TMEM39B: variants seen among roughly 807,000 people sequenced by gnomAD.
The protein encoded by TMEM39B is transmembrane protein 39B.
TMEM39B carries 23 observed loss-of-function variants against 52.2 expected under a neutral mutation model. That is an observed-to-expected ratio of 0.44 (90% CI 0.32 to 0.62). The LOEUF (loss-of-function observed/expected upper bound fraction) is 0.62, where lower values mean the gene tolerates loss of function less well. Among genes scored for constraint, TMEM39B ranks in the 20% least tolerant of loss-of-function variants. The pLI, the probability that TMEM39B is intolerant of heterozygous loss-of-function variation, is 0.06. For missense variants in TMEM39B, 547 were observed against 642.0 expected (o/e 0.85, Z 1.60); for synonymous variants, 285 against 264.0 (o/e 1.08, Z -0.77).
intron 7 of TMEM39B, among the ~76,000 whole-genome samples, chr1:32,098,459 G>A (rs569459088): frequency 3.0e-4 from 46 of 152,232 alleles, no homozygotes; most frequent in Non-Finnish European, 5.9e-4. Flanking sequence ...TGGGCCAGGT[G>A]CAGTGGCTCA....
intron 6 of TMEM39B, among the ~76,000 whole-genome samples, chr1:32,093,236 T>C (rs1640677252): frequency 1.3e-5 from 2 of 150,866 alleles, no homozygotes; most frequent in Non-Finnish European, 3.0e-5. Flanking sequence ...GTAGCTGGGA[T>C]TACAGGCGAG....
chr1:32,100,515 C>T lies in TMEM39B; in HGVS notation c.1189C>T (p.His397Tyr), dbSNP rs139990657. The change falls in exon 8 of 9, where the codon CAC becomes TAC. Residue 397 changes from histidine to tyrosine, a missense_variant. His to Tyr is a moderately conservative substitution (Grantham distance 83, BLOSUM62 2). Transcript: ENST00000336294. The stretch of plus-strand genomic sequence containing the variant: ...CAAGAACGTCTACAAAGCCGTAGGC[C>T]ACTACAACGTGGCTATCCCCTCTGA... ...HSKNVYKAVG[H>Y]YNVAIPSDVS... 34 of 1,613,882 alleles carry T rather than the reference C, an allele frequency of 2.1e-5. No homozygotes were observed. Among genetic ancestry groups the T allele is most frequent in the Non-Finnish European group, 2.9e-5 (34 of 1,179,954 alleles).
intron 7 of TMEM39B, among the ~76,000 whole-genome samples, chr1:32,098,307 A>AT (rs557886183): frequency 2.7e-5 from 4 of 149,436 alleles, no homozygotes; most frequent in Non-Finnish European, 4.5e-5. Context: ...CCAGCCAACT[A>AT]TTTTTTTTTT....
At chr1:32,073,167 A>T in intron 1 of TMEM39B, 116 bp downstream of exon 1, 1 of 1,248,110 alleles carries the variant, frequency 8.0e-7, no homozygotes, top group African/African-American at 1.6e-5. Context: ...GGGGGAGGGG[A>T]TGCGAGCGCA....
At chr1:32,098,268 G>C (rs574393264) in intron 7 of TMEM39B, among the ~76,000 whole-genome samples, 1 of 152,002 alleles carries the variant, frequency 6.6e-6, no homozygotes, top group Admixed American at 6.6e-5. Context: ...TCCCCAAAGT[G>C]CTGGAATTAC....
At chr1:32,075,858 G>A in intron 3 of TMEM39B, 36 bp downstream of exon 3, 1 of 1,306,528 alleles carries the variant, frequency 7.7e-7, no homozygotes. Flanking sequence ...GTGTGTGTGT[G>A]TGTGTGCGTG....
intron 5 of TMEM39B, among the ~76,000 whole-genome samples, chr1:32,086,531 C>G (rs1416580160): frequency 6.6e-6 from 1 of 152,096 alleles, no homozygotes; most frequent in Non-Finnish European, 1.5e-5. Context: ...CTTTGAGAGA[C>G]TGAGGCAGGC....
intron 7 of TMEM39B, among the ~76,000 whole-genome samples, chr1:32,099,105 T>A (rs1640920866): frequency 1.3e-5 from 2 of 151,846 alleles, no homozygotes; most frequent in Non-Finnish European, 2.9e-5. Context: ...ACAGAAAAAT[T>A]AGCCGGGCGT....
intron 7 of TMEM39B, among the ~76,000 whole-genome samples, chr1:32,097,316 A>G (rs994206353): frequency 2.0e-5 from 3 of 149,300 alleles, no homozygotes; most frequent in Admixed American, 6.7e-5. Context: ...TATAAATGAA[A>G]TCGTGTCCAA....
intron 5 of TMEM39B, among the ~76,000 whole-genome samples, chr1:32,090,880 T>G (rs192618325): frequency 6.6e-6 from 1 of 152,078 alleles, no homozygotes; most frequent in African/African-American, 2.4e-5. Context: ...TACCCTGTGA[T>G]CCGCCCACCT....
intron 7 of TMEM39B, among the ~76,000 whole-genome samples, chr1:32,098,087 T>C (rs1163951256): frequency 2.0e-5 from 3 of 151,770 alleles, no homozygotes; most frequent in Non-Finnish European, 2.9e-5. Context: ...ACCTCCACCT[T>C]CCGGGTTCAA....
chr1:32,074,952 A>T lies in TMEM39B; in HGVS notation c.6A>T (p.Gly2=). The change falls in exon 2 of 9, where the codon GGA becomes GGT. Residue 2 remains glycine, a splice_region_variant and synonymous_variant. Coordinates refer to ENST00000336294, the MANE Select transcript of TMEM39B (RefSeq NM_018056.4). M[G]GRRGPNRTSY... ...TCTATTTTATGTTGAGCCCCACAGG[A>T]GGACGAAGAGGTCCCAACAGGACAT... 6.4e-7 allele frequency: 1 copy of T among 1,550,780 alleles called. No individual in the cohort carries two copies. Among genetic ancestry groups the T allele is most frequent in the Middle Eastern group, 1.7e-4 (1 of 5,986 alleles).
chr1:32,083,342 C>G (rs553897991), intron 5 of TMEM39B, among the ~76,000 whole-genome samples: 2 of 150,796 alleles, frequency 1.3e-5, no homozygotes, highest in Non-Finnish European at 2.9e-5. Flanking sequence ...CTCAGCTTCC[C>G]AAAGTGCTGG....
chr1:32,094,117 CTTTTTTT>C (rs796499631), intron 6 of TMEM39B, among the ~76,000 whole-genome samples: 6 of 29,768 alleles, frequency 2.0e-4, no homozygotes, highest in African/African-American at 6.7e-4. Flanking sequence ...TGCGCCTGGC[CTTTTTTT>C]TTTTTTTTTT....
chr1:32,094,458 GA>G (rs1468109548), intron 6 of TMEM39B, among the ~76,000 whole-genome samples: 1 of 152,084 alleles, frequency 6.6e-6, no homozygotes, highest in East Asian at 1.9e-4. Flanking sequence ...GACAGATGAG[GA>G]AACTAAAGCA....
chr1:32,090,123 G>C (rs187503480), intron 5 of TMEM39B, among the ~76,000 whole-genome samples: 8 of 152,060 alleles, frequency 5.3e-5, no homozygotes, highest in Admixed American at 5.2e-4. Flanking sequence ...TGAGGACCTG[G>C]GGAAATTGAG....
intron 1 of TMEM39B, chr1:32,073,901 T>C (rs1162031798): frequency 1.1e-5 from 11 of 981,446 alleles, no homozygotes; most frequent in Non-Finnish European, 1.2e-5. Flanking sequence ...TTTTTAAAAA[T>C]ATGTATATGT....
chr1:32,094,999 A>G (rs1232904575), intron 7 of TMEM39B, 28 bp downstream of exon 7: 1 of 1,606,756 alleles, frequency 6.2e-7, no homozygotes, highest in Admixed American at 1.7e-5. Context: ...GCTCAACCCA[A>G]TCCCAGCCCT....
At chr1:32,081,203 T>TTTG (rs1197210790) in intron 5 of TMEM39B, among the ~76,000 whole-genome samples, 19 of 152,000 alleles carry the variant, frequency 1.3e-4, no homozygotes, top group Admixed American at 6.6e-4. Flanking sequence ...TGTTTGTTTG[T>TTTG]TTGTTTGTTT....
Sources: allele counts gnomAD v4.1 joint callset (sites outside exome capture counted in the v4.1 genomes callset), GRCh38; gene constraint gnomAD v4.1.1; transcripts MANE v1.5; gene names NCBI Gene and HGNC (gene_info 2026-07-23, HGNC 2026-07-21).